The following FRMD3 variants were observed in gnomAD, a reference collection of about 807,000 sequenced individuals.
The protein encoded by FRMD3 is FERM domain containing 3.
In FRMD3, 33 loss-of-function variants were observed where a neutral mutation model predicts 70.2. The observed-to-expected ratio is 0.47, with a 90% confidence interval of 0.36 to 0.63. FRMD3 has a LOEUF of 0.63. Among genes scored for constraint, FRMD3 ranks in the 20% least tolerant of loss-of-function variants. The probability of loss-of-function intolerance (pLI) is 0.00; values close to 1 mark genes in which losing one functional copy is unlikely to be tolerated. For synonymous variants in FRMD3, 279 were observed against 255.9 expected (o/e 1.09, Z -0.86); for missense variants, 632 against 711.4 (o/e 0.89, Z 1.27).
intron 1 of FRMD3, among the ~76,000 whole-genome samples, chr9:83,508,253 G>A (rs1829249890): frequency 6.6e-6 from 1 of 152,158 alleles, no homozygotes; most frequent in African/African-American, 2.4e-5. Flanking sequence ...CAAGACAGTG[G>A]TTACTCTCAG....
intron 8 of FRMD3, among the ~76,000 whole-genome samples, chr9:83,311,088 T>C (rs1835333187): frequency 6.6e-6 from 1 of 152,164 alleles, no homozygotes. Context: ...TGTGACCCAA[T>C]TCTGTCCAAT....
chr9:83,484,426 T>C (rs1053763863), intron 1 of FRMD3, among the ~76,000 whole-genome samples: 15 of 152,132 alleles, frequency 9.9e-5, no homozygotes, highest in African/African-American at 3.1e-4. Flanking sequence ...ATTTTTTTCT[T>C]TTTGTGTGTG....
At position 83,246,738 on chromosome 9, in the gene FRMD3, A is replaced by G. The variant is rs1299984015; in HGVS notation, c.*1180T>C. 6.1e-6 allele frequency: 6 copies of G among 985,162 alleles called. No individual in the cohort carries two copies. Among genetic ancestry groups the G allele is most frequent in the South Asian group, 4.7e-5 (1 of 21,276 alleles). The allele number at this position is 985,162 out of a possible 1,614,324, so 61.0% of individuals were successfully genotyped here. ...AGTTTCTTCTACAGAATCACAACAA[A>G]TGGCATGAGGGATCAAAATATTTAC... On this transcript the variant is annotated 3_prime_UTR_variant, in exon 14 of 14. Coordinates refer to ENST00000304195, the MANE Select transcript of FRMD3 (RefSeq NM_174938.6).
chr9:83,362,444 A>G (rs1376504612), intron 3 of FRMD3, among the ~76,000 whole-genome samples: 1 of 152,196 alleles, frequency 6.6e-6, no homozygotes, highest in East Asian at 1.9e-4. Flanking sequence ...CAGTACTGCT[A>G]TTATGGCTGA....
At chr9:83,467,861 AG>A (rs935608541) in intron 1 of FRMD3, 2 of 1,259,480 alleles carry the variant, frequency 1.6e-6, no homozygotes, top group South Asian at 2.0e-5. Flanking sequence ...TTTTTAAAAA[AG>A]TTACAAACAT....
intron 1 of FRMD3, among the ~76,000 whole-genome samples, chr9:83,446,250 C>T (rs1004573918): frequency 6.6e-5 from 10 of 152,176 alleles, no homozygotes; most frequent in African/African-American, 1.9e-4. Flanking sequence ...GATCTGATTC[C>T]AGCAGCCCTT....
At chr9:83,571,287 C>A in the FRMD3 span, among the ~76,000 whole-genome samples, 1 of 152,204 alleles carries the variant, frequency 6.6e-6, no homozygotes, top group African/African-American at 2.4e-5. Flanking sequence ...CAACAAGAGG[C>A]CTTCACCAGA....
chr9:83,532,922 A>G (rs746837072), intron 1 of FRMD3, among the ~76,000 whole-genome samples: 26 of 152,214 alleles, frequency 1.7e-4, no homozygotes, highest in Non-Finnish European at 2.4e-4. Context: ...ATAATCATGG[A>G]GACTATAGAG....
At position 83,450,211 on chromosome 9, in the gene FRMD3, G is replaced by GCA. The variant is rs143569775; in HGVS notation, c.148-60505_148-60504dup. Among the ~76,000 whole-genome samples the GCA allele has an allele frequency of 6.5e-4, 98 of 150,474 alleles. 1 individual carries two copies. The highest frequency in any genetic ancestry group is 2.3e-3 in the South Asian group (11 of 4,760). On this transcript the variant is annotated intron_variant, in intron 1 of 13. Transcript: ENST00000304195. ...CATGTGTGTGTGTGCACCCGTGCGC[G>GCA]CACACACACACACACACAGACACAC... is the stretch of plus-strand genomic sequence containing the variant.
chr9:83,404,901 C>T (rs746522652), intron 1 of FRMD3, among the ~76,000 whole-genome samples: 32 of 152,176 alleles, frequency 2.1e-4, no homozygotes, highest in African/African-American at 6.0e-4. Flanking sequence ...TTCTTTTTCA[C>T]GGCACAGGAC....
intron 13 of FRMD3, chr9:83,281,443 G>A (rs1833968249): frequency 6.6e-6 from 1 of 152,114 alleles, no homozygotes; most frequent in Non-Finnish European, 1.5e-5. Flanking sequence ...AGCCCTCAAG[G>A]ACATGACTAG....
the FRMD3 span, among the ~76,000 whole-genome samples, chr9:83,578,192 A>G: frequency 6.6e-6 from 1 of 151,924 alleles, no homozygotes; most frequent in African/African-American, 2.4e-5. Flanking sequence ...ATAAAAAATT[A>G]CCTCATCAAA....
At chr9:83,525,875 C>T (rs1029322734) in intron 1 of FRMD3, among the ~76,000 whole-genome samples, 1 of 152,198 alleles carries the variant, frequency 6.6e-6, no homozygotes, top group South Asian at 2.1e-4. Flanking sequence ...CAGTGATCTA[C>T]AAGCCTGCCC....
chr9:83,387,145 A>C (rs1295544823), intron 2 of FRMD3, among the ~76,000 whole-genome samples: 19 of 152,172 alleles, frequency 1.2e-4, no homozygotes. Context: ...AAACTTTTGC[A>C]CACTAATTTT....
chr9:83,374,391 A>C (rs1049137938), intron 2 of FRMD3, among the ~76,000 whole-genome samples: 4 of 90,768 alleles, frequency 4.4e-5, no homozygotes, highest in Non-Finnish European at 9.7e-5. Context: ...ACACACAAAA[A>C]AACATATATT....
intron 1 of FRMD3, among the ~76,000 whole-genome samples, chr9:83,512,891 G>A (rs576586311): frequency 7.2e-4 from 109 of 152,298 alleles, no homozygotes; most frequent in African/African-American, 2.3e-3. Flanking sequence ...TGCAAGACAC[G>A]GAAGTGAGCA....
chr9:83,302,182 A>G (rs1834953987), intron 10 of FRMD3, among the ~76,000 whole-genome samples: 1 of 152,152 alleles, frequency 6.6e-6, no homozygotes. Flanking sequence ...CAGATCCCAA[A>G]CCTGGCCGGG....
the FRMD3 span, among the ~76,000 whole-genome samples, chr9:83,584,543 T>G: frequency 2.0e-5 from 3 of 152,202 alleles, no homozygotes; most frequent in Non-Finnish European, 4.4e-5. Context: ...ACTCCATCTC[T>G]CACCTCCCCT....
At chr9:83,430,503 T>C (rs996068709) in intron 1 of FRMD3, among the ~76,000 whole-genome samples, 9 of 152,212 alleles carry the variant, frequency 5.9e-5, no homozygotes, top group Non-Finnish European at 1.3e-4. Context: ...AAAGAGTAAT[T>C]AGTAAGCTGG....
Sources: allele counts gnomAD v4.1 joint callset (sites outside exome capture counted in the v4.1 genomes callset), GRCh38; gene constraint gnomAD v4.1.1; transcripts MANE v1.5; gene names NCBI Gene and HGNC (gene_info 2026-07-23, HGNC 2026-07-21).